Variants in PKHD1 observed in about 807,000 individuals in gnomAD.
PKHD1 encodes PKHD1 ciliary IPT domain containing fibrocystin/polyductin.
A neutral mutation model predicts 412.0 loss-of-function variants in PKHD1; 291 were observed. That is an observed-to-expected ratio of 0.71 (90% CI 0.64 to 0.78). The LOEUF is 0.78. PKHD1 is among the 30% of genes least tolerant of loss of function. The pLI is 0.00. For missense variants in PKHD1, 4,825 were observed against 4,950.7 expected, an observed-to-expected ratio of 0.97 and a Z score of 0.76; for synonymous variants, 1,777 against 1,821.5, an observed-to-expected ratio of 0.98 and a Z score of 0.62.
rs549772602 is a variant in PKHD1, at chr6:51,655,930, C to T, written c.11174+3022G>A. On this transcript the variant is annotated intron_variant, in intron 61 of 66. Transcript: ENST00000371117. ...TCAACCATTGTGGAAGAGAGTGTGG[C>T]GATTCCTCAAGGATCTAGAACAAGA... Among the ~76,000 whole-genome samples the T allele has an allele frequency of 7.2e-5, 11 of 152,146 alleles. 1 individual carries two copies. Among genetic ancestry groups the T allele is most frequent in the African/African-American group, 1.9e-4 (8 of 41,504 alleles).
Position 51,816,170 on chromosome 6 carries a change from A to T in PKHD1, c.8302+14691T>A, listed in dbSNP as rs544430382. The stretch of plus-strand genomic sequence containing the variant: ...GTAGTGCAATACTAATGTAATAAAT[A>T]TTATCTACATAGTAAAACATAGAAA... On this transcript the variant is annotated intron_variant, in intron 52 of 66. Coordinates refer to ENST00000371117, the MANE Select transcript of PKHD1 (RefSeq NM_138694.4). 5.3e-5 allele frequency among the ~76,000 whole-genome samples: 8 copies of T among 152,324 alleles called. No homozygotes were observed. The South Asian group carries it at 1.7e-3, about 32-fold the overall frequency.
In PKHD1 at chr6:51,956,205, A is replaced by G. The variant is rs571460008; in HGVS notation, c.5908+3665T>C. Reference sequence around the variant, plus strand: ...TTTATATTCCTAACAATTCATCATAATATGCAAATATATATAGACATATGT... The same window carrying G: ...TTTATATTCCTAACAATTCATCATAGTATGCAAATATATATAGACATATGT... On this transcript the variant is annotated intron_variant, in intron 36 of 66. Transcript: ENST00000371117. Among the ~76,000 whole-genome samples the G allele has an allele frequency of 5.9e-5, 9 of 152,122 alleles. 1 individual carries two copies. In the South Asian group the frequency reaches 1.9e-3, roughly 32 times the overall value.
At chr6:51,711,221 G>A (rs1780622940) in intron 60 of PKHD1, among the ~76,000 whole-genome samples, 1 of 152,192 alleles carries the variant, frequency 6.6e-6, no homozygotes, top group Non-Finnish European at 1.5e-5. Context: ...TAAGGATCCT[G>A]AGAAAGCCTC....
chr6:51,932,690 T>A (rs1469024322), intron 37 of PKHD1, among the ~76,000 whole-genome samples: 1 of 152,210 alleles, frequency 6.6e-6, no homozygotes, highest in Non-Finnish European at 1.5e-5. Flanking sequence ...TGGAAGTTGA[T>A]CATAGAATCA....
intron 27 of PKHD1, 22 bp downstream of exon 27, chr6:52,042,837 T>G (rs773245028): frequency 1.9e-6 from 3 of 1,610,696 alleles, no homozygotes; most frequent in Non-Finnish European, 2.5e-6. Context: ...TCAGACATAC[T>G]GTGAGACCCT....
intron 60 of PKHD1, among the ~76,000 whole-genome samples, chr6:51,734,201 T>A (rs992095106): frequency 1.3e-5 from 2 of 152,214 alleles, no homozygotes; most frequent in African/African-American, 4.8e-5. Flanking sequence ...GCAGAACTTA[T>A]CAGAATCTTC....
chr6:51,848,750 TC>T (rs1241811912), intron 49 of PKHD1, among the ~76,000 whole-genome samples: 2 of 151,958 alleles, frequency 1.3e-5, no homozygotes, highest in Admixed American at 6.6e-5. Flanking sequence ...AGGGCTTCTG[TC>T]TCCCTAAGAT....
At position 51,896,186 on chromosome 6, in the gene PKHD1, T is replaced by G. The variant is rs1209612987; in HGVS notation, c.6996+7411A>C. Among the ~76,000 whole-genome samples the G allele has an allele frequency of 2.0e-5, 3 of 152,092 alleles. No homozygotes were observed. In the East Asian group the frequency reaches 5.8e-4, roughly 29 times the overall value. On this transcript the variant is annotated intron_variant, in intron 43 of 66. Coordinates refer to ENST00000371117, the MANE Select transcript of PKHD1 (RefSeq NM_138694.4). ...CCACCACAGCTCAAGGAGGCCTGCCTGCCTCTGTAGGCTCCACCTCTGGGG... is the reference window on the plus strand; with the variant it reads ...CCACCACAGCTCAAGGAGGCCTGCCGGCCTCTGTAGGCTCCACCTCTGGGG...
Position 52,027,477 on chromosome 6 carries a change from A to C in PKHD1, c.3628+352T>G, listed in dbSNP as rs1375086472. On this transcript the variant is annotated intron_variant, in intron 31 of 66. Transcript: ENST00000371117. ...AACCCGGGAGGCAGACATTGCAGTG[A>C]GCCAAGTCAGCACCATTGCACTCCA... 2.0e-5 allele frequency among the ~76,000 whole-genome samples: 3 copies of C among 146,406 alleles called. No homozygotes were observed. In the Admixed American group the frequency reaches 2.2e-4, roughly 11 times the overall value.
chr6:52,073,692 T>C (rs1394034588), intron 6 of PKHD1, 151 bp from the exon 7 acceptor site: 2 of 659,198 alleles, frequency 3.0e-6, no homozygotes, highest in Non-Finnish European at 5.4e-6. Context: ...TGTACAACAG[T>C]AAGGTCAAGG....
chr6:52,008,398 T>A (rs1462568742), intron 35 of PKHD1, among the ~76,000 whole-genome samples: 2 of 152,170 alleles, frequency 1.3e-5, no homozygotes, highest in East Asian at 1.9e-4. Context: ...TTCCCAAATA[T>A]CTCTTAAAAG....
At chr6:51,684,272 A>G (rs1777125702) in intron 60 of PKHD1, among the ~76,000 whole-genome samples, 1 of 152,148 alleles carries the variant, frequency 6.6e-6, no homozygotes, top group South Asian at 2.1e-4. Flanking sequence ...GGCAGCTACC[A>G]GGAGAGTCAC....
At chr6:51,863,180 AC>A (rs1204480731) in intron 48 of PKHD1, among the ~76,000 whole-genome samples, 2 of 152,214 alleles carry the variant, frequency 1.3e-5, no homozygotes, top group Non-Finnish European at 2.9e-5. Flanking sequence ...AGGGGATATG[AC>A]TTGTACCCAC....
At chr6:51,636,162 T>C (rs1284209277) in intron 64 of PKHD1, among the ~76,000 whole-genome samples, 1 of 152,190 alleles carries the variant, frequency 6.6e-6, no homozygotes, top group Non-Finnish European at 1.5e-5. Context: ...GGCAGATCTA[T>C]TTTCTGTATT....
intron 53 of PKHD1, among the ~76,000 whole-genome samples, chr6:51,778,922 T>A (rs1036765942): frequency 2.2e-4 from 34 of 152,108 alleles, no homozygotes; most frequent in African/African-American, 8.2e-4. Context: ...TTTACCTTCA[T>A]CTTAACTAAC....
intron 37 of PKHD1, among the ~76,000 whole-genome samples, chr6:51,914,054 A>G (rs1251647224): frequency 6.6e-6 from 1 of 152,138 alleles, no homozygotes. Context: ...AAAAATCTCT[A>G]CTAAGCACAG....
chr6:52,057,008 A>G (rs746304694), intron 16 of PKHD1, 29 bp from the exon 17 acceptor site: 2 of 1,424,284 alleles, frequency 1.4e-6, no homozygotes, highest in Non-Finnish European at 2.0e-6. Context: ...ACAAGACTAA[A>G]TGATGGTGCT....
chr6:51,659,997 G>A (rs1048060685), intron 60 of PKHD1, 28 bp from the exon 61 acceptor site: 4 of 1,334,300 alleles, frequency 3.0e-6, no homozygotes. Context: ...CAAAACAAGT[G>A]ATATATGAAT....
intron 49 of PKHD1, among the ~76,000 whole-genome samples, chr6:51,848,948 A>T (rs1771702681): frequency 1.3e-5 from 2 of 150,116 alleles, no homozygotes; most frequent in Non-Finnish European, 3.0e-5. Flanking sequence ...TGAAAAAAAA[A>T]AAAACAGGAT....
Sources: allele counts gnomAD v4.1 joint callset (sites outside exome capture counted in the v4.1 genomes callset), GRCh38; gene constraint gnomAD v4.1.1; transcripts MANE v1.5; gene names NCBI Gene and HGNC (gene_info 2026-07-23, HGNC 2026-07-21).